The following LRRC4C variants were observed in gnomAD, a reference collection of about 807,000 sequenced individuals.
The protein encoded by LRRC4C is leucine rich repeat containing 4C.
A neutral mutation model predicts 33.6 loss-of-function variants in LRRC4C; 5 were observed. The ratio of observed to expected loss-of-function variants is 0.15; its 90% CI spans 0.08 to 0.31. LRRC4C has a LOEUF of 0.31. Ranked by LOEUF, LRRC4C falls within the 10% of genes least tolerant of loss-of-function variation. The pLI is 1.00. For synonymous variants in LRRC4C, 329 were observed against 302.0 expected (o/e 1.09, Z -0.93); for missense variants, 560 against 796.7 (o/e 0.70, Z 3.58).
chr11:40,530,717 A>T (rs1956238874), intron 3 of LRRC4C, among the ~76,000 whole-genome samples: 1 of 152,182 alleles, frequency 6.6e-6, no homozygotes, highest in Admixed American at 6.6e-5. Context: ...GCCATGAATG[A>T]GATAAGGCCC....
intron 1 of LRRC4C, among the ~76,000 whole-genome samples, chr11:41,414,173 A>G (rs1954593060): frequency 6.6e-6 from 1 of 152,030 alleles, no homozygotes; most frequent in Non-Finnish European, 1.5e-5. Context: ...CATAGGACAC[A>G]CTCAATGCCT....
intron 2 of LRRC4C, among the ~76,000 whole-genome samples, chr11:40,678,950 G>A (rs987029186): frequency 5.3e-5 from 8 of 152,150 alleles, no homozygotes; most frequent in Non-Finnish European, 7.3e-5. Flanking sequence ...AGTTTGGAGG[G>A]CTCAGAAGAC....
intron 3 of LRRC4C, among the ~76,000 whole-genome samples, chr11:40,367,643 C>T (rs937782181): frequency 6.6e-6 from 1 of 152,154 alleles, no homozygotes; most frequent in Middle Eastern, 3.4e-3. Context: ...AAGTCATGGA[C>T]CTGCTTTTTT....
intron 4 of LRRC4C, among the ~76,000 whole-genome samples, chr11:40,313,539 C>T (rs905063768): frequency 1.3e-5 from 2 of 150,306 alleles, no homozygotes; most frequent in Non-Finnish European, 2.9e-5. Context: ...GATCAAAGTC[C>T]TAAATGTAAG....
At chr11:40,617,128 A>G (rs2135928735) in intron 3 of LRRC4C, among the ~76,000 whole-genome samples, 1 of 151,804 alleles carries the variant, frequency 6.6e-6, no homozygotes, top group African/African-American at 2.4e-5. Context: ...ACTGCAGAAG[A>G]GTTTATCCAT....
chr11:41,224,536 G>C (rs1388522494), intron 1 of LRRC4C, among the ~76,000 whole-genome samples: 1 of 152,146 alleles, frequency 6.6e-6, no homozygotes, highest in Non-Finnish European at 1.5e-5. Flanking sequence ...AATTCCTAAG[G>C]AAGTCAAAAC....
At chr11:40,165,949 AAAAC>A (rs764408857) in intron 5 of LRRC4C, among the ~76,000 whole-genome samples, 4 of 152,200 alleles carry the variant, frequency 2.6e-5, no homozygotes, top group Admixed American at 6.5e-5. Flanking sequence ...CTGTCTCAAA[AAAAC>A]AAACAAACAA....
At chr11:40,167,460 A>G (rs995887501) in intron 5 of LRRC4C, among the ~76,000 whole-genome samples, 3 of 152,192 alleles carry the variant, frequency 2.0e-5, no homozygotes, top group Non-Finnish European at 2.9e-5. Context: ...AAATGTGTCA[A>G]CGTGAACATT....
intron 3 of LRRC4C, among the ~76,000 whole-genome samples, chr11:40,570,549 A>G (rs1051654862): frequency 5.3e-5 from 8 of 152,202 alleles, no homozygotes; most frequent in African/African-American, 1.9e-4. Context: ...TTTATAACCC[A>G]TAATACTACT....
At chr11:40,361,777 G>A (rs1168269412) in intron 3 of LRRC4C, among the ~76,000 whole-genome samples, 2 of 152,070 alleles carry the variant, frequency 1.3e-5, no homozygotes, top group African/African-American at 4.8e-5. Flanking sequence ...AAATTCAGAT[G>A]AACCCAAAAA....
At chr11:40,300,695 T>C (rs2136662547) in intron 4 of LRRC4C, among the ~76,000 whole-genome samples, 1 of 152,364 alleles carries the variant, frequency 6.6e-6, no homozygotes, top group African/African-American at 2.4e-5. Context: ...TCTAGATTAC[T>C]TACCTAATAC....
intron 2 of LRRC4C, among the ~76,000 whole-genome samples, chr11:40,849,836 A>AT (rs1307528146): frequency 6.7e-6 from 1 of 148,972 alleles, no homozygotes; most frequent in Non-Finnish European, 1.5e-5. Context: ...TGTTCTTTTC[A>AT]TTTTTTCTCT....
chr11:40,260,848 T>C (rs1299929706), intron 4 of LRRC4C, among the ~76,000 whole-genome samples: 1 of 152,198 alleles, frequency 6.6e-6, no homozygotes. Context: ...ATGCATGGCA[T>C]ACACAAAATG....
intron 3 of LRRC4C, among the ~76,000 whole-genome samples, chr11:40,444,930 A>G (rs895642625): frequency 2.0e-5 from 3 of 152,198 alleles, no homozygotes; most frequent in Non-Finnish European, 4.4e-5. Context: ...GTTCTTGGGA[A>G]TAGAGGTGGG....
intron 1 of LRRC4C, among the ~76,000 whole-genome samples, chr11:41,411,064 A>T (rs79205885): frequency 6.6e-6 from 1 of 151,112 alleles, no homozygotes; most frequent in African/African-American, 2.4e-5. Flanking sequence ...AAAAGACCAG[A>T]GATCTTTATC....
chr11:40,166,652 T>A (rs1859622215), intron 5 of LRRC4C, among the ~76,000 whole-genome samples: 1 of 152,266 alleles, frequency 6.6e-6, no homozygotes, highest in South Asian at 2.1e-4. Context: ...AATAGGAGAA[T>A]GCATTTAGAC....
rs150390379 is a variant in LRRC4C at position 41,262,724 on chromosome 11, T to C, written c.-496+196707A>G. On this transcript the variant is annotated intron_variant, in intron 1 of 6. Transcript: ENST00000528697. ...TTTGGTTCAAAATATACATTGCAGG[T>C]TTTCTGGAAATGTTTTTGAAATAAT... Among the ~76,000 whole-genome samples the C allele has an allele frequency of 2.7e-3, 408 of 152,168 alleles. 1 individual carries two copies. Among genetic ancestry groups the C allele is most frequent in the Non-Finnish European group, 4.0e-3 (275 of 67,986 alleles).
At chr11:40,652,253 T>C (rs1185963801) in intron 2 of LRRC4C, among the ~76,000 whole-genome samples, 1 of 152,166 alleles carries the variant, frequency 6.6e-6, no homozygotes, top group Non-Finnish European at 1.5e-5. Context: ...TTCATAGATA[T>C]CTAGGATCTA....
intron 4 of LRRC4C, among the ~76,000 whole-genome samples, chr11:40,279,479 T>C (rs552501716): frequency 2.0e-5 from 3 of 152,334 alleles, no homozygotes; most frequent in South Asian, 2.1e-4. Flanking sequence ...AACACCTTTC[T>C]TCTGGAGGCA....
Sources: allele counts gnomAD v4.1 joint callset (sites outside exome capture counted in the v4.1 genomes callset), GRCh38; gene constraint gnomAD v4.1.1; transcripts MANE v1.5; gene names NCBI Gene and HGNC (gene_info 2026-07-23, HGNC 2026-07-21).